Variants in CLIC5 observed in about 807,000 individuals in gnomAD.
CLIC5 encodes the protein CLIC family member 5.
A neutral mutation model predicts 24.7 loss-of-function variants in CLIC5; 20 were observed. That is an observed-to-expected ratio of 0.81 (90% CI 0.57 to 1.18). The LOEUF is 1.18. Among genes scored for constraint, CLIC5 ranks in the 50% most tolerant of loss-of-function variants. CLIC5 has a pLI of 0.00. For missense variants in CLIC5, 341 were observed against 326.1 expected (o/e 1.05, Z -0.35); for synonymous variants, 159 against 135.6 (o/e 1.17, Z -1.20).
chr6:46,101,773 C>T, the CLIC5 span, among the ~76,000 whole-genome samples: 1 of 152,260 alleles, frequency 6.6e-6, no homozygotes, highest in Non-Finnish European at 1.5e-5. Context: ...AAACCAACAA[C>T]CTCATATGAA....
chr6:46,086,820 T>G, the CLIC5 span, among the ~76,000 whole-genome samples: 150 of 152,282 alleles, frequency 9.9e-4, 3 homozygotes, highest in South Asian at 0.029. Context: ...GGGAACTGTG[T>G]GTAAGCCACC....
At position 45,988,858 on chromosome 6, in the gene CLIC5, C is replaced by T. The variant is rs533302819; in HGVS notation, c.63+26622G>A. 5.3e-5 allele frequency among the ~76,000 whole-genome samples: 8 copies of T among 152,286 alleles called. No homozygotes were observed. In the South Asian group the frequency reaches 6.2e-4, roughly 12 times the overall value. ...GACAAATGGGGTTTCTGCCAGACTCCGACCTCTGGCAGGCTCAGTGCAGCT... is the reference window on the plus strand; with the variant it reads ...GACAAATGGGGTTTCTGCCAGACTCTGACCTCTGGCAGGCTCAGTGCAGCT... On this transcript the variant is annotated intron_variant, in intron 1 of 5. Transcript: ENST00000339561.
chr6:45,977,199 T>G (rs990220799), intron 1 of CLIC5, among the ~76,000 whole-genome samples: 20 of 152,222 alleles, frequency 1.3e-4, no homozygotes, highest in African/African-American at 4.6e-4. Context: ...TTTTTGACTT[T>G]GTGGCCTTTT....
chr6:46,127,924 T>C, the CLIC5 span, among the ~76,000 whole-genome samples: 196 of 152,324 alleles, frequency 1.3e-3, 1 homozygote, highest in African/African-American at 4.6e-3. Flanking sequence ...GGTAGTTATA[T>C]TTACCACTAA....
At chr6:46,123,563 G>C in the CLIC5 span, among the ~76,000 whole-genome samples, 1 of 152,178 alleles carries the variant, frequency 6.6e-6, no homozygotes, top group African/African-American at 2.4e-5. Flanking sequence ...ATTCAACATA[G>C]TGTTGGAAGT....
chr6:46,057,379 G>A (rs1182371013), intron 1 of CLIC5, among the ~76,000 whole-genome samples: 1 of 152,182 alleles, frequency 6.6e-6, no homozygotes, highest in Non-Finnish European at 1.5e-5. Context: ...TGTAAGAAGT[G>A]CTTTTCTCCT....
At chr6:45,974,522 T>TATAGAGAGAG (rs1339415709) in intron 1 of CLIC5, among the ~76,000 whole-genome samples, 2 of 66,008 alleles carry the variant, frequency 3.0e-5, no homozygotes, top group African/African-American at 6.2e-5. Flanking sequence ...TATATATATA[T>TATAGAGAGAG]AGAGAGAGAG....
At chr6:46,058,504 T>C (rs764742767) in intron 1 of CLIC5, among the ~76,000 whole-genome samples, 6 of 152,274 alleles carry the variant, frequency 3.9e-5, no homozygotes, top group Non-Finnish European at 7.3e-5. Flanking sequence ...TACTCCTCCA[T>C]GATTCATTTT....
At chr6:46,090,890 A>C in the CLIC5 span, among the ~76,000 whole-genome samples, 1 of 152,222 alleles carries the variant, frequency 6.6e-6, no homozygotes, top group Admixed American at 6.5e-5. Flanking sequence ...CTCTTGCAAC[A>C]ATCAGCAAGT....
intron 2 of CLIC5, 59 bp downstream of exon 2, chr6:45,955,076 A>G: frequency 7.6e-7 from 1 of 1,324,000 alleles, no homozygotes; most frequent in African/African-American, 1.4e-5. Flanking sequence ...GCCCTCCTTC[A>G]TGGAAGGTTC....
intron 1 of CLIC5, among the ~76,000 whole-genome samples, chr6:46,008,109 A>G (rs544805192): frequency 3.2e-4 from 49 of 152,024 alleles, no homozygotes; most frequent in South Asian, 1.0e-3. Flanking sequence ...TCAATCTCCT[A>G]TTGTGTGTAG....
chr6:45,941,300 C>G (rs1764121529), intron 4 of CLIC5, among the ~76,000 whole-genome samples: 1 of 152,190 alleles, frequency 6.6e-6, no homozygotes, highest in African/African-American at 2.4e-5. Flanking sequence ...GCATCCCTCT[C>G]TCCAGCTTGG....
At chr6:46,030,445 C>A (rs1476613635) in intron 1 of CLIC5, among the ~76,000 whole-genome samples, 1 of 152,120 alleles carries the variant, frequency 6.6e-6, no homozygotes, top group Non-Finnish European at 1.5e-5. Context: ...TCTTTCTTGG[C>A]CACCCATTTC....
At chr6:46,029,476 A>T (rs1390291503) in intron 1 of CLIC5, among the ~76,000 whole-genome samples, 1 of 152,230 alleles carries the variant, frequency 6.6e-6, no homozygotes, top group Non-Finnish European at 1.5e-5. Context: ...TGAACTAGAA[A>T]GTGGAAGAGC....
At chr6:46,020,372 A>T (rs1011670121), upstream of CLIC5, among the ~76,000 whole-genome samples, 22 of 152,264 alleles carry the variant, frequency 1.4e-4, no homozygotes, top group South Asian at 6.2e-4. Context: ...AATATTTTGA[A>T]CTGAATTCAA....
chr6:45,887,574 G>T (rs915288597), intron 6 of CLIC5, among the ~76,000 whole-genome samples: 2 of 139,450 alleles, frequency 1.4e-5, no homozygotes, highest in Non-Finnish European at 3.2e-5. Context: ...CATAGTTTTT[G>T]GGGGGACACA....
chr6:46,119,700 C>A, the CLIC5 span, among the ~76,000 whole-genome samples: 1 of 152,246 alleles, frequency 6.6e-6, no homozygotes, highest in African/African-American at 2.4e-5. Flanking sequence ...AAGGCTGTGA[C>A]AGACTGCACC....
At chr6:45,946,285 T>C (rs796773191) in intron 3 of CLIC5, among the ~76,000 whole-genome samples, 17 of 152,300 alleles carry the variant, frequency 1.1e-4, no homozygotes, top group Admixed American at 3.3e-4. Flanking sequence ...CAACACTTCC[T>C]TGTCGAGTGT....
At chr6:45,893,903 G>A (rs373934897), downstream of CLIC5, among the ~76,000 whole-genome samples, 395 of 152,208 alleles carry the variant, frequency 2.6e-3, 3 homozygotes, top group African/African-American at 9.1e-3. Context: ...TTTAATTAAA[G>A]AAAGAACCTA....
Sources: allele counts gnomAD v4.1 joint callset (sites outside exome capture counted in the v4.1 genomes callset), GRCh38; gene constraint gnomAD v4.1.1; transcripts MANE v1.5; gene names NCBI Gene and HGNC (gene_info 2026-07-23, HGNC 2026-07-21).